CADM2: variants seen among roughly 807,000 people sequenced by gnomAD.
CADM2 encodes immunoglobulin superfamily member 4D.
In CADM2, 12 loss-of-function variants were observed where a neutral mutation model predicts 49.8. That is an observed-to-expected ratio of 0.24 (90% CI 0.15 to 0.39). The LOEUF (loss-of-function observed/expected upper bound fraction) is 0.39. Ranked by LOEUF, CADM2 falls within the 10% of genes least tolerant of loss-of-function variation. CADM2 has a pLI of 1.00. For missense variants in CADM2, 378 were observed against 492.3 expected (o/e 0.77, Z 2.20); for synonymous variants, 214 against 175.4 (o/e 1.22, Z -1.74).
At position 85,060,276 on chromosome 3, in the gene CADM2, A is replaced by G. The variant is rs563890343; in HGVS notation, c.61+100608A>G. Among the ~76,000 whole-genome samples, 11 of 152,058 alleles carry G rather than the reference A, an allele frequency of 7.2e-5. No homozygotes were observed. The South Asian group carries it at 2.3e-3, about 32-fold the overall frequency. On this transcript the variant is annotated intron_variant, in intron 1 of 9. Transcript: ENST00000383699. ...CTCCTAAGTGGGATTACAGGCGCCC[A>G]CCACCACGCCTGGCTAATTTTTTGT...
At chr3:85,436,731 A>T (rs1183937626) in intron 1 of CADM2, among the ~76,000 whole-genome samples, 1 of 152,190 alleles carries the variant, frequency 6.6e-6, no homozygotes, top group Non-Finnish European at 1.5e-5. Flanking sequence ...AGCAAAAATA[A>T]GCAGAAAGTG....
chr3:84,983,324 T>G (rs2032327023), intron 1 of CADM2, among the ~76,000 whole-genome samples: 1 of 151,914 alleles, frequency 6.6e-6, no homozygotes, highest in Admixed American at 6.6e-5. Context: ...ATAAAATCAG[T>G]TTGTTTTCTT....
chr3:85,503,094 T>TGTAAA (rs764523228), intron 1 of CADM2, among the ~76,000 whole-genome samples: 78,224 of 151,982 alleles, frequency 0.51, 23,124 homozygotes, highest in East Asian at 0.85. Flanking sequence ...CATATACTCC[T>TGTAAA]AACATAAAGT....
At chr3:85,547,240 C>A (rs1257857193) in intron 1 of CADM2, among the ~76,000 whole-genome samples, 4 of 151,942 alleles carry the variant, frequency 2.6e-5, no homozygotes, top group Non-Finnish European at 5.9e-5. Flanking sequence ...TAGTTCTTTG[C>A]AAATATTTGT....
At chr3:85,567,066 GTCATAT>G (rs1188062372) in intron 1 of CADM2, among the ~76,000 whole-genome samples, 15 of 152,298 alleles carry the variant, frequency 9.8e-5, no homozygotes, top group Non-Finnish European at 1.6e-4. Flanking sequence ...TCCAAAATGT[GTCATAT>G]TCCTCCTCTG....
At chr3:85,388,533 G>A (rs940231443) in intron 1 of CADM2, among the ~76,000 whole-genome samples, 8 of 152,056 alleles carry the variant, frequency 5.3e-5, no homozygotes, top group Non-Finnish European at 8.8e-5. Flanking sequence ...ATGAATGTAC[G>A]TATGTATTTT....
At chr3:85,587,698 G>A (rs2062983895) in intron 1 of CADM2, among the ~76,000 whole-genome samples, 1 of 151,790 alleles carries the variant, frequency 6.6e-6, no homozygotes, top group Non-Finnish European at 1.5e-5. Flanking sequence ...TTCCATAATG[G>A]CAACAAGAAA....
chr3:85,838,194 T>C (rs180749421), intron 3 of CADM2, among the ~76,000 whole-genome samples: 3 of 151,870 alleles, frequency 2.0e-5, no homozygotes, highest in African/African-American at 7.2e-5. Flanking sequence ...TCACTTGCAA[T>C]CTATGTGAAT....
intron 1 of CADM2, among the ~76,000 whole-genome samples, chr3:85,465,667 C>T (rs986799273): frequency 1.3e-5 from 2 of 152,054 alleles, no homozygotes; most frequent in Non-Finnish European, 2.9e-5. Flanking sequence ...AGATTATAGG[C>T]GTGTTACATT....
intron 1 of CADM2, among the ~76,000 whole-genome samples, chr3:85,545,941 C>T (rs2061661648): frequency 6.6e-6 from 1 of 152,162 alleles, no homozygotes. Flanking sequence ...TAATTTCCAT[C>T]AAATGAATTT....
At chr3:85,952,668 A>G (rs150796768) in intron 7 of CADM2, among the ~76,000 whole-genome samples, 2 of 151,054 alleles carry the variant, frequency 1.3e-5, no homozygotes, top group African/African-American at 4.8e-5. Flanking sequence ...GAGGCTGTAA[A>G]GAGAGTTTCT....
chr3:85,233,700 T>C (rs2042350240), intron 1 of CADM2, among the ~76,000 whole-genome samples: 1 of 152,178 alleles, frequency 6.6e-6, no homozygotes, highest in African/African-American at 2.4e-5. Context: ...ACGATTTATT[T>C]TTCTTTTGTT....
At chr3:85,166,910 A>G (rs767629583) in intron 1 of CADM2, among the ~76,000 whole-genome samples, 1 of 152,038 alleles carries the variant, frequency 6.6e-6, no homozygotes, top group Non-Finnish European at 1.5e-5. Context: ...AAATTAAAAT[A>G]CATTTATGTA....
intron 1 of CADM2, among the ~76,000 whole-genome samples, chr3:85,402,750 G>T (rs2107444237): frequency 6.6e-6 from 1 of 152,250 alleles, no homozygotes; most frequent in Middle Eastern, 3.4e-3. Context: ...GCCAATGCCT[G>T]TGTTAGAAGC....
At chr3:85,127,010 A>T (rs1458005137) in intron 1 of CADM2, among the ~76,000 whole-genome samples, 1 of 152,174 alleles carries the variant, frequency 6.6e-6, no homozygotes, top group Non-Finnish European at 1.5e-5. Flanking sequence ...TGATTTCATT[A>T]TACCATACAT....
chr3:85,812,920 G>A (rs1049810437), intron 3 of CADM2, among the ~76,000 whole-genome samples: 2 of 152,094 alleles, frequency 1.3e-5, no homozygotes, highest in African/African-American at 4.8e-5. Context: ...TGGTGTATAT[G>A]TACCACATTT....
chr3:85,074,003 T>A (rs1262979863), intron 1 of CADM2, among the ~76,000 whole-genome samples: 1 of 152,148 alleles, frequency 6.6e-6, no homozygotes, highest in Non-Finnish European at 1.5e-5. Flanking sequence ...TTAAATTGAT[T>A]AAATGTAACG....
At chr3:85,437,287 G>A (rs977564654) in intron 1 of CADM2, among the ~76,000 whole-genome samples, 1 of 152,026 alleles carries the variant, frequency 6.6e-6, no homozygotes, top group Non-Finnish European at 1.5e-5. Context: ...CTAAGTTTTG[G>A]CAATGATGAA....
intron 1 of CADM2, among the ~76,000 whole-genome samples, chr3:85,509,029 T>G (rs1165020714): frequency 6.6e-6 from 1 of 152,174 alleles, no homozygotes; most frequent in Non-Finnish European, 1.5e-5. Context: ...TTATGAAGAA[T>G]GTGTTGCTTT....
Sources: allele counts gnomAD v4.1 joint callset (sites outside exome capture counted in the v4.1 genomes callset), GRCh38; gene constraint gnomAD v4.1.1; transcripts MANE v1.5; gene names NCBI Gene and HGNC (gene_info 2026-07-23, HGNC 2026-07-21).